The following NLGN1 variants were observed in gnomAD, a reference collection of about 807,000 sequenced individuals.
The protein encoded by NLGN1 is neuroligin-1.
In NLGN1, 12 loss-of-function variants were observed where a neutral mutation model predicts 65.5. The ratio of observed to expected loss-of-function variants is 0.18; its 90% CI spans 0.12 to 0.30. The LOEUF (loss-of-function observed/expected upper bound fraction) is 0.30, where lower values mean the gene tolerates loss of function less well. Ranked by LOEUF, NLGN1 falls within the 10% of genes least tolerant of loss-of-function variation. NLGN1 has a pLI of 1.00. For synonymous variants in NLGN1, 350 were observed against 359.5 expected (o/e 0.97, Z 0.30); for missense variants, 750 against 1,007.1 (o/e 0.74, Z 3.46).
At chr3:174,242,034 T>C (rs1317960174) in intron 4 of NLGN1, among the ~76,000 whole-genome samples, 1 of 152,150 alleles carries the variant, frequency 6.6e-6, no homozygotes, top group Non-Finnish European at 1.5e-5. Context: ...TCTTAACTTA[T>C]TTTCTCACAG....
intron 4 of NLGN1, among the ~76,000 whole-genome samples, chr3:174,045,911 A>C (rs974094469): frequency 6.6e-6 from 1 of 152,184 alleles, no homozygotes; most frequent in Non-Finnish European, 1.5e-5. Flanking sequence ...TAATTTCTAT[A>C]ATAAGAATTC....
chr3:173,579,470 A>G (rs1377586427), intron 2 of NLGN1, among the ~76,000 whole-genome samples: 2 of 152,222 alleles, frequency 1.3e-5, no homozygotes, highest in African/African-American at 2.4e-5. Flanking sequence ...CAGTGAGACC[A>G]GGTCTCAAGA....
chr3:174,055,988 G>A (rs567660553), intron 4 of NLGN1, among the ~76,000 whole-genome samples: 2 of 151,540 alleles, frequency 1.3e-5, no homozygotes, highest in Admixed American at 1.3e-4. Flanking sequence ...TTGTGTTATC[G>A]AATAAGAGAG....
At chr3:174,239,131 C>T (rs939863604) in intron 4 of NLGN1, among the ~76,000 whole-genome samples, 11 of 151,678 alleles carry the variant, frequency 7.3e-5, no homozygotes, top group African/African-American at 2.4e-4. Flanking sequence ...AGTGCAGTGG[C>T]GATCTCAGCT....
chr3:173,704,136 G>T (rs949094823), intron 3 of NLGN1, among the ~76,000 whole-genome samples: 10 of 152,286 alleles, frequency 6.6e-5, no homozygotes, highest in African/African-American at 1.2e-4. Flanking sequence ...CAGACTAATT[G>T]TTAGCCAGTG....
intron 4 of NLGN1, among the ~76,000 whole-genome samples, chr3:174,051,851 T>C (rs530091341): frequency 1.3e-5 from 2 of 152,096 alleles, no homozygotes; most frequent in South Asian, 2.1e-4. Flanking sequence ...CTCATATGCC[T>C]TTGCTCTAAT....
intron 2 of NLGN1, among the ~76,000 whole-genome samples, chr3:173,476,525 A>G (rs1234924154): frequency 2.6e-5 from 4 of 152,166 alleles, no homozygotes; most frequent in Non-Finnish European, 5.9e-5. Flanking sequence ...AGAATTGGTA[A>G]AGGTCTGGAG....
At position 174,176,344 on chromosome 3, in the gene NLGN1, A is replaced by G. The variant is rs544678227; in HGVS notation, c.647-98971A>G. 2.6e-5 allele frequency among the ~76,000 whole-genome samples: 4 copies of G among 152,138 alleles called. No individual in the cohort carries two copies. In the South Asian group the frequency reaches 8.3e-4, roughly 31 times the overall value. On this transcript the variant is annotated intron_variant, in intron 4 of 6. Coordinates refer to ENST00000457714, the Ensembl canonical transcript of NLGN1. The stretch of plus-strand genomic sequence containing the variant: ...ATTTTTACAATAAAAATCTTCAAAA[A>G]GTATTAAATTTTTACTGTCATTGGT...
intron 2 of NLGN1, among the ~76,000 whole-genome samples, chr3:173,541,528 C>A (rs1243769012): frequency 6.6e-6 from 1 of 151,986 alleles, no homozygotes; most frequent in African/African-American, 2.4e-5. Flanking sequence ...GAAGGTTTAG[C>A]TATGCTGTTT....
intron 3 of NLGN1, among the ~76,000 whole-genome samples, chr3:173,784,326 C>T (rs1347041176): frequency 1.3e-5 from 2 of 152,082 alleles, no homozygotes; most frequent in African/African-American, 4.8e-5. Context: ...TGTCTGGAAG[C>T]CACAAAGGAC....
chr3:173,658,763 T>C (rs563156728), intron 3 of NLGN1, among the ~76,000 whole-genome samples: 7 of 152,136 alleles, frequency 4.6e-5, no homozygotes, highest in South Asian at 4.1e-4. Context: ...TTGATTCCAG[T>C]GCTAGAGTAC....
chr3:173,442,466 A>G (rs1719384685), intron 2 of NLGN1, among the ~76,000 whole-genome samples: 1 of 152,182 alleles, frequency 6.6e-6, no homozygotes, highest in Non-Finnish European at 1.5e-5. Flanking sequence ...TGTAACATTC[A>G]ACGTGTGTAA....
chr3:173,615,563 C>T lies in NLGN1; in HGVS notation c.493+10472C>T, dbSNP rs146915667. Among the ~76,000 whole-genome samples the T allele has an allele frequency of 2.4e-4, 36 of 152,242 alleles. No homozygotes were observed. The Middle Eastern group carries it at 0.01, about 43-fold the overall frequency. On this transcript the variant is annotated intron_variant, in intron 3 of 6. Transcript: ENST00000457714. ...AAGGTAATGATGCTGATATTTGGCACTGTGTTCCCCATAATAAAACATTTA... is the reference window on the plus strand; with the variant it reads ...AAGGTAATGATGCTGATATTTGGCATTGTGTTCCCCATAATAAAACATTTA...
chr3:173,547,344 A>G (rs1037850796), intron 2 of NLGN1, among the ~76,000 whole-genome samples: 1 of 152,160 alleles, frequency 6.6e-6, no homozygotes, highest in Non-Finnish European at 1.5e-5. Context: ...TTAGTTCCAC[A>G]GGTGCCTTTC....
intron 4 of NLGN1, among the ~76,000 whole-genome samples, chr3:173,925,652 G>C (rs1354771113): frequency 6.6e-6 from 1 of 152,144 alleles, no homozygotes; most frequent in Non-Finnish European, 1.5e-5. Flanking sequence ...CAAAGGCCAG[G>C]GAGCCTGTCT....
chr3:173,647,848 A>G (rs1252576270), intron 3 of NLGN1, among the ~76,000 whole-genome samples: 1 of 152,128 alleles, frequency 6.6e-6, no homozygotes, highest in African/African-American at 2.4e-5. Flanking sequence ...AAGTTGTTAA[A>G]GGCCTGTATT....
chr3:173,952,159 G>C (rs1298254109), intron 4 of NLGN1, among the ~76,000 whole-genome samples: 1 of 152,108 alleles, frequency 6.6e-6, no homozygotes, highest in Non-Finnish European at 1.5e-5. Flanking sequence ...CTTCCTGCAG[G>C]TCTGTAGATG....
intron 3 of NLGN1, chr3:173,685,558 G>T (rs1764560827): frequency 1.3e-6 from 1 of 748,428 alleles, no homozygotes; most frequent in Non-Finnish European, 1.6e-6. Context: ...GGGCTGCCAG[G>T]CAGTCATCAA....
intron 4 of NLGN1, among the ~76,000 whole-genome samples, chr3:174,044,445 G>T (rs1024892694): frequency 3.3e-5 from 5 of 151,808 alleles, no homozygotes; most frequent in African/African-American, 1.2e-4. Flanking sequence ...CTTCCACCAG[G>T]TACCCTAAAT....
Sources: allele counts gnomAD v4.1 joint callset (sites outside exome capture counted in the v4.1 genomes callset), GRCh38; gene constraint gnomAD v4.1.1; transcripts MANE v1.5; gene names NCBI Gene and HGNC (gene_info 2026-07-23, HGNC 2026-07-21).